F8: variants seen among roughly 807,000 people sequenced by gnomAD.
F8 encodes the protein antihemophilic factor.
Under a neutral mutation model 140.6 loss-of-function variants are expected in F8, and 12 were observed. The observed-to-expected ratio is 0.09, with a 90% CI of 0.05 to 0.14. F8 has a LOEUF of 0.14. Among genes scored for constraint, F8 ranks in the 10% least tolerant of loss-of-function variants. F8 has a pLI of 1.00. For synonymous variants in F8, 585 were observed against 614.6 expected (o/e 0.95, Z 0.71); for missense variants, 1,354 against 1,720.7 (o/e 0.79, Z 3.77).
chrX:154,973,937 C>A lies in F8; in HGVS notation c.788-4385G>T, dbSNP rs782498439. Among the ~76,000 whole-genome samples the A allele has an allele frequency of 6.3e-5, 7 of 110,632 alleles. No homozygotes were observed. In the East Asian group the frequency reaches 2.0e-3, roughly 31 times the overall value. On this transcript the variant is annotated intron_variant, in intron 6 of 25. Coordinates refer to ENST00000360256, the MANE Select transcript of F8 (RefSeq NM_000132.4). Reference sequence around the variant, plus strand: ...TCAGCCTCTCGAGTAGCTGGGACTACAGGAGCGCACCACCATGTCTGGCTA... The same window carrying A: ...TCAGCCTCTCGAGTAGCTGGGACTAAAGGAGCGCACCACCATGTCTGGCTA...
chrX:154,934,903 C>T (rs1227352941), intron 13 of F8, among the ~76,000 whole-genome samples: 1 of 111,687 alleles, frequency 9.0e-6, no homozygotes, highest in Non-Finnish European at 1.9e-5. Flanking sequence ...GTGGCTCATA[C>T]TGGTAATCCC....
rs186109614 is a variant in F8 at position 155,013,100 on chromosome X, C to T, written c.143+9310G>A. Among the ~76,000 whole-genome samples the T allele has an allele frequency of 2.6e-3, 254 of 97,472 alleles. 2 individuals carry two copies. Among genetic ancestry groups the T allele is most frequent in the Non-Finnish European group, 4.0e-3 (198 of 49,505 alleles). 84.6% of individuals were successfully genotyped at this position (97,472 alleles called of 115,157 possible). ...GGCGGAGCTTGCAGTGAGCCGAGAT[C>T]GCACCACTGCACTCCAGCCTGGGTG... On this transcript the variant is annotated intron_variant, in intron 1 of 25. Transcript: ENST00000360256.
chrX:154,997,193 T>A, intron 2 of F8, 98 bp from the exon 3 acceptor site: 1 of 1,016,047 alleles, frequency 9.8e-7, no homozygotes, highest in Non-Finnish European at 1.4e-6. Flanking sequence ...TGGAGAAGCA[T>A]GCCCCTGTAA....
At chrX:154,854,908 G>A in intron 25 of F8, among the ~76,000 whole-genome samples, 1 of 111,275 alleles carries the variant, frequency 9.0e-6, no homozygotes, top group East Asian at 2.8e-4. Flanking sequence ...GAGGTGGATG[G>A]ATCACCTGAG....
At chrX:154,856,472 T>C (rs2072652029) in intron 25 of F8, among the ~76,000 whole-genome samples, 1 of 112,763 alleles carries the variant, frequency 8.9e-6, no homozygotes, top group Non-Finnish European at 1.9e-5. Context: ...ATAGTATGAC[T>C]TGCACAGACC....
intron 25 of F8, among the ~76,000 whole-genome samples, chrX:154,841,893 G>C (rs2072524658): frequency 9.0e-6 from 1 of 110,982 alleles, no homozygotes; most frequent in South Asian, 3.7e-4. Context: ...GTTCTTGTTC[G>C]GTTTGGTTGT....
intron 14 of F8, 103 bp from the exon 15 acceptor site, chrX:154,906,676 G>A: frequency 1.4e-6 from 1 of 724,576 alleles, no homozygotes; most frequent in Non-Finnish European, 2.1e-6. Context: ...ATTTTGCATA[G>A]TTAACCACTT....
intron 9 of F8, chrX:154,965,642 C>T (rs1557281917): frequency 4.2e-6 from 1 of 235,385 alleles, no homozygotes; most frequent in Non-Finnish European, 7.5e-6. Context: ...ATGGACTGTT[C>T]AAAAGCAGGC....
chrX:154,936,632 C>A (rs1441356743), intron 13 of F8, among the ~76,000 whole-genome samples: 6 of 111,879 alleles, frequency 5.4e-5, no homozygotes, highest in Non-Finnish European at 1.1e-4. Context: ...ACAAACTCAA[C>A]AATCACAGAG....
intron 6 of F8, among the ~76,000 whole-genome samples, chrX:154,980,546 G>A (rs782696275): frequency 1.8e-5 from 2 of 111,981 alleles, no homozygotes; most frequent in South Asian, 3.7e-4. Flanking sequence ...GTCTTTCTTA[G>A]GCTATTCTTA....
intron 18 of F8, 85 bp from the exon 19 acceptor site, chrX:154,902,252 G>T: frequency 1.4e-6 from 1 of 715,490 alleles, no homozygotes; most frequent in Non-Finnish European, 2.2e-6. Flanking sequence ...AAATATCAGA[G>T]TAGACCTACC....
intron 22 of F8, among the ~76,000 whole-genome samples, chrX:154,888,305 T>G (rs2072912616): frequency 1.3e-5 from 1 of 77,110 alleles, no homozygotes; most frequent in Non-Finnish European, 2.3e-5. Flanking sequence ...CGATTTGCAT[T>G]GGAATTCACG....
At chrX:154,907,034 AACATTGCCAACAACCC>A (rs2073042031) in intron 14 of F8, among the ~76,000 whole-genome samples, 1 of 112,054 alleles carries the variant, frequency 8.9e-6, no homozygotes, top group African/African-American at 3.2e-5. Context: ...CCAGATCAGT[AACATTGCCAACAACCC>A]ACAAGACTCA....
At chrX:154,866,146 G>A (rs186270268) in intron 22 of F8, among the ~76,000 whole-genome samples, 225 of 111,840 alleles carry the variant, frequency 2.0e-3, no homozygotes, top group African/African-American at 7.0e-3. Context: ...ACTGTGACAT[G>A]AGACATAGAA....
At chrX:154,869,722 C>CA (rs1171641406) in intron 22 of F8, among the ~76,000 whole-genome samples, 3 of 110,842 alleles carry the variant, frequency 2.7e-5, no homozygotes, top group Admixed American at 9.6e-5. Context: ...GATAGAGACA[C>CA]AAAAAAACCT....
Position 154,955,165 on chromosome X carries a change from C to CTTTTTTT in F8, c.1753-1130_1753-1124dup, listed in dbSNP as rs1185466045. On this transcript the variant is annotated intron_variant, in intron 11 of 25. Coordinates refer to ENST00000360256, the MANE Select transcript of F8 (RefSeq NM_000132.4). ...GTTTTGCCCAAAAGTATTTATTAAG[C>CTTTTTTT]TTTTTTTTTTTTTTTTTTTTTTTTT... 7.8e-4 allele frequency among the ~76,000 whole-genome samples: 28 copies of CTTTTTTT among 36,077 alleles called. 2 individuals are homozygous for CTTTTTTT. Among genetic ancestry groups the CTTTTTTT allele is most frequent in the African/African-American group, 2.1e-3 (18 of 8,458 alleles). 31.3% of individuals were successfully genotyped at this position (36,077 alleles called of 115,157 possible). A position where few individuals can be genotyped will look rare whatever the true frequency, so the allele number is the denominator to read the frequency against.
In F8 at chrX:154,929,854, G is replaced by A; in HGVS notation, c.3936C>T (p.Cys1312=). 8.3e-7 allele frequency: 1 copy of A among 1,211,316 alleles called. No homozygotes were observed. Among genetic ancestry groups the A allele is most frequent in the Non-Finnish European group, 1.1e-6 (1 of 895,029 alleles). The part of the protein sequence containing the change: ...QTKQIVEKYA[C]TTRISPNTSQ... ...TTGTATTAGGAGATATCCTTGTGGT[G>A]CATGCATATTTCTCTACAATTTGCT... Residue 1312 remains cysteine (C), a synonymous_variant, in exon 14 of 26, where the codon TGC becomes TGT. Coordinates refer to ENST00000360256, the MANE Select transcript of F8 (RefSeq NM_000132.4).
chrX:154,910,341 T>C (rs1702870579), intron 14 of F8, among the ~76,000 whole-genome samples: 1 of 106,784 alleles, frequency 9.4e-6, no homozygotes, highest in African/African-American at 3.4e-5. Flanking sequence ...AAACACCGCA[T>C]GTTCTTAGTC....
At chrX:154,880,811 C>T (rs2072854232) in intron 22 of F8, among the ~76,000 whole-genome samples, 1 of 111,845 alleles carries the variant, frequency 8.9e-6, no homozygotes, top group African/African-American at 3.3e-5. Context: ...ATTTATACAA[C>T]AGAATATTTC....
Sources: gnomAD v4.1 joint callset for allele counts (sites outside exome capture counted in the v4.1 genomes callset) on GRCh38, gnomAD v4.1.1 for gene constraint, MANE v1.5 for transcripts, NCBI Gene and HGNC (gene_info 2026-07-23, HGNC 2026-07-21) for gene names.